The following SNTG1 variants were observed in gnomAD, a reference collection of about 807,000 sequenced individuals.
SNTG1 encodes the protein syntrophin gamma 1.
SNTG1 carries 39 observed loss-of-function variants against 74.7 expected under a neutral mutation model. The observed-to-expected ratio is 0.52, with a 90% CI of 0.40 to 0.68. SNTG1 has a LOEUF of 0.68. SNTG1 is among the 30% of genes least tolerant of loss of function. The pLI is 0.00. For missense variants in SNTG1, 685 were observed against 609.5 expected (o/e 1.12, Z -1.30); for synonymous variants, 254 against 217.1 (o/e 1.17, Z -1.49).
chr8:50,255,479 TAGTTCTAG>T (rs766712032), intron 2 of SNTG1, among the ~76,000 whole-genome samples: 30 of 152,288 alleles, frequency 2.0e-4, no homozygotes, highest in Non-Finnish European at 3.5e-4. Context: ...TATGTCCTCA[TAGTTCTAG>T]AGACTAGAGG....
chr8:50,691,403 TG>T (rs2095378648), intron 15 of SNTG1, among the ~76,000 whole-genome samples: 1 of 152,226 alleles, frequency 6.6e-6, no homozygotes, highest in African/African-American at 2.4e-5. Context: ...TTCCTTTCCT[TG>T]TTTAGTGCTT....
chr8:50,071,442 G>A (rs1019678824), intron 1 of SNTG1, among the ~76,000 whole-genome samples: 1 of 151,676 alleles, frequency 6.6e-6, no homozygotes, highest in Non-Finnish European at 1.5e-5. Context: ...GCATATATAT[G>A]TGTGTGTGTG....
intron 2 of SNTG1, among the ~76,000 whole-genome samples, chr8:50,173,085 G>T (rs2082869181): frequency 6.7e-6 from 1 of 149,750 alleles, no homozygotes; most frequent in Non-Finnish European, 1.5e-5. Context: ...ATGGGGAGTG[G>T]GTTGCGATGC....
At chr8:49,931,305 T>C (rs1386251204) in intron 1 of SNTG1, among the ~76,000 whole-genome samples, 2 of 152,218 alleles carry the variant, frequency 1.3e-5, no homozygotes, top group East Asian at 1.9e-4. Context: ...AACCAGGGAC[T>C]GTACCCTGAA....
chr8:50,224,057 AC>A (rs1272634734), intron 2 of SNTG1, among the ~76,000 whole-genome samples: 3 of 152,142 alleles, frequency 2.0e-5, no homozygotes, highest in Non-Finnish European at 2.9e-5. Context: ...TATCAAAAAA[AC>A]AAAAAATATT....
intron 1 of SNTG1, among the ~76,000 whole-genome samples, chr8:49,962,800 C>T (rs1362724129): frequency 6.6e-6 from 1 of 152,190 alleles, no homozygotes; most frequent in Non-Finnish European, 1.5e-5. Context: ...ACCATGCTGG[C>T]CAGGCTGGTC....
At position 50,057,185 on chromosome 8, in the gene SNTG1, G is replaced by A. The variant is rs77978208; in HGVS notation, c.-102-115376G>A. 8.5e-3 allele frequency among the ~76,000 whole-genome samples: 1,288 copies of A among 152,142 alleles called. 26 individuals are homozygous for A. The highest frequency in any genetic ancestry group is 0.029 in the African/African-American group (1,210 of 41,522). On this transcript the variant is annotated intron_variant, in intron 1 of 18. Coordinates refer to ENST00000642720, the MANE Select transcript of SNTG1 (RefSeq NM_018967.5). ...AGGGAAGAATTGTTTTACTCAGAACGTGGTGTTCTCCTAGCCAGAGAAACA... is the reference window on the plus strand; with the variant it reads ...AGGGAAGAATTGTTTTACTCAGAACATGGTGTTCTCCTAGCCAGAGAAACA...
At chr8:50,349,952 C>A (rs149753222) in intron 2 of SNTG1, among the ~76,000 whole-genome samples, 4 of 152,136 alleles carry the variant, frequency 2.6e-5, no homozygotes, top group Non-Finnish European at 4.4e-5. Context: ...GGCTGCACCG[C>A]GTGCTTATGG....
chr8:50,664,472 A>T (rs1399249420), intron 15 of SNTG1, among the ~76,000 whole-genome samples: 1 of 152,196 alleles, frequency 6.6e-6, no homozygotes, highest in Non-Finnish European at 1.5e-5. Context: ...TAATTCACTA[A>T]GACACTTATT....
chr8:50,340,153 A>G (rs138498829), intron 2 of SNTG1, among the ~76,000 whole-genome samples: 1 of 152,024 alleles, frequency 6.6e-6, no homozygotes, highest in African/African-American at 2.4e-5. Flanking sequence ...TCCTAAATTT[A>G]TATATAGTTT....
At chr8:50,215,213 A>G (rs10095663) in intron 2 of SNTG1, among the ~76,000 whole-genome samples, 1,864 of 152,064 alleles carry the variant, frequency 0.012, 42 homozygotes, top group African/African-American at 0.041. Flanking sequence ...ATCAGCTGAG[A>G]CTTTTAGAAG....
In SNTG1 at chr8:50,091,261, T is replaced by A. The variant is rs557620223; in HGVS notation, c.-102-81300T>A. On this transcript the variant is annotated intron_variant, in intron 1 of 18. Transcript: ENST00000642720. Reference sequence around the variant, plus strand: ...AGTCAAGGAAATTTACATAACGGTCTCGAATTTCTCTTCCTTTTTTTTTCT... The same window carrying A: ...AGTCAAGGAAATTTACATAACGGTCACGAATTTCTCTTCCTTTTTTTTTCT... 3.9e-5 allele frequency among the ~76,000 whole-genome samples: 6 copies of A among 152,224 alleles called. No homozygotes were observed. The South Asian group carries it at 1.0e-3, about 26-fold the overall frequency.
chr8:49,973,582 G>A (rs1013187300), intron 1 of SNTG1, among the ~76,000 whole-genome samples: 2 of 151,886 alleles, frequency 1.3e-5, no homozygotes, highest in African/African-American at 2.4e-5. Context: ...CTTCACTTTG[G>A]TGAGTCTTGG....
At chr8:50,647,654 C>T (rs2095118440) in intron 13 of SNTG1, among the ~76,000 whole-genome samples, 1 of 152,030 alleles carries the variant, frequency 6.6e-6, no homozygotes, top group African/African-American at 2.4e-5. Flanking sequence ...AACTAAAATA[C>T]ATTTTAAAAT....
chr8:50,376,733 A>ATT (rs2092391031), intron 2 of SNTG1, among the ~76,000 whole-genome samples: 1 of 19,524 alleles, frequency 5.1e-5, no homozygotes, highest in Non-Finnish European at 1.4e-4. Context: ...AATAAATTAT[A>ATT]TATATATATA....
intron 1 of SNTG1, among the ~76,000 whole-genome samples, chr8:49,953,971 G>GA (rs1189040848): frequency 6.6e-6 from 1 of 152,076 alleles, no homozygotes; most frequent in Non-Finnish European, 1.5e-5. Context: ...GTTCTAGATT[G>GA]AAAACCAAAA....
At chr8:50,419,812 A>C (rs1377895747) in intron 4 of SNTG1, among the ~76,000 whole-genome samples, 4 of 152,246 alleles carry the variant, frequency 2.6e-5, no homozygotes, top group African/African-American at 9.6e-5. Flanking sequence ...CCATTGAAAC[A>C]AATGAGAAAA....
chr8:50,318,472 T>C (rs1310668197), intron 2 of SNTG1, among the ~76,000 whole-genome samples: 1 of 152,154 alleles, frequency 6.6e-6, no homozygotes, highest in East Asian at 1.9e-4. Context: ...GAAAGAAAGA[T>C]AATGCCTGAT....
chr8:50,352,700 T>C (rs781314200), intron 2 of SNTG1, among the ~76,000 whole-genome samples: 12 of 152,202 alleles, frequency 7.9e-5, no homozygotes, highest in Admixed American at 1.3e-4. Flanking sequence ...CTTTCTGTTC[T>C]GGTAATTATT....
Sources: gnomAD v4.1 joint callset for allele counts (sites outside exome capture counted in the v4.1 genomes callset) on GRCh38, gnomAD v4.1.1 for gene constraint, MANE v1.5 for transcripts, NCBI Gene and HGNC (gene_info 2026-07-23, HGNC 2026-07-21) for gene names.